SGK3: variants seen among roughly 807,000 people sequenced by gnomAD.
SGK3 encodes serum/glucocorticoid regulated kinase family member 3.
SGK3 carries 47 observed loss-of-function variants against 68.5 expected under a neutral mutation model. The ratio of observed to expected loss-of-function variants is 0.69; its 90% CI spans 0.54 to 0.87. SGK3 has a LOEUF of 0.87. Ranked by LOEUF, SGK3 falls within the 40% of genes least tolerant of loss-of-function variation. SGK3 has a pLI of 0.00. For missense variants in SGK3, 479 were observed against 575.5 expected (o/e 0.83, Z 1.72); for synonymous variants, 181 against 189.1 (o/e 0.96, Z 0.35).
At chr8:66,781,968 G>A (rs192106349) in intron 1 of SGK3, among the ~76,000 whole-genome samples, 3 of 152,302 alleles carry the variant, frequency 2.0e-5, no homozygotes, top group African/African-American at 7.2e-5. Context: ...AGGCTACTAT[G>A]TATCTTTCAT....
Position 66,798,492 on chromosome 8 carries a change from GT to G in SGK3, c.97-44del, listed in dbSNP as rs762459024. 7.2e-6 allele frequency: 11 copies of G among 1,519,150 alleles called. No individual in the cohort carries two copies. In the South Asian group the frequency reaches 1.3e-4, roughly 18 times the overall value. The allele number at this position is 1,519,150 out of a possible 1,614,324, so 94.1% of individuals were successfully genotyped here. A position where few individuals can be genotyped will look rare whatever the true frequency, so the allele number is the denominator to read the frequency against. On this transcript the variant is annotated intron_variant, in intron 2 of 16. Coordinates refer to ENST00000521198, the MANE Select transcript of SGK3 (RefSeq NM_001033578.3). ...TTTCATGTATTTAAGTAGCTAATGG[GT>G]TTTTTGCAATTAAATTGTGTTATAT...
chr8:66,766,968 C>A lies in SGK3; in HGVS notation c.-121-26648C>A, dbSNP rs141074141. On this transcript the variant is annotated intron_variant, in intron 1 of 16. Coordinates refer to ENST00000521198, the MANE Select transcript of SGK3 (RefSeq NM_001033578.3). Reference sequence around the variant, plus strand: ...CCGGGTTCAAGCAATTCTGCCTCACCCTCCTGAGCTGCTGGGATTACAAGC... The same window carrying A: ...CCGGGTTCAAGCAATTCTGCCTCACACTCCTGAGCTGCTGGGATTACAAGC... Among the ~76,000 whole-genome samples, 3 of 152,306 alleles carry A rather than the reference C, an allele frequency of 2.0e-5. No homozygotes were observed. In the East Asian group the frequency reaches 5.8e-4, roughly 29 times the overall value.
chr8:66,809,241 T>G (rs1286145167), intron 4 of SGK3, among the ~76,000 whole-genome samples: 1 of 152,170 alleles, frequency 6.6e-6, no homozygotes, highest in Non-Finnish European at 1.5e-5. Flanking sequence ...TAACAAGTAG[T>G]AACCAACACC....
intron 1 of SGK3, among the ~76,000 whole-genome samples, chr8:66,731,099 G>A (rs557163301): frequency 5.5e-4 from 84 of 152,116 alleles, no homozygotes; most frequent in Admixed American, 1.1e-3. Context: ...TTTGTTATCC[G>A]CTTTCTAATT....
chr8:66,796,130 TTTTTATTTA>T (rs1172560755), intron 2 of SGK3, among the ~76,000 whole-genome samples: 2 of 151,468 alleles, frequency 1.3e-5, no homozygotes, highest in Non-Finnish European at 2.9e-5. Flanking sequence ...ATCGATAATA[TTTTTATTTA>T]TTTTATTTAT....
At chr8:66,816,368 C>T (rs1290269754) in intron 5 of SGK3, among the ~76,000 whole-genome samples, 6 of 122,714 alleles carry the variant, frequency 4.9e-5, no homozygotes, top group African/African-American at 1.3e-4. Context: ...GTGTGTGAGA[C>T]GGAGTCTTGC....
Position 66,839,983 on chromosome 8 carries a change from C to T in SGK3, c.742-20C>T. The T allele has an allele frequency of 6.2e-7, 1 of 1,608,524 alleles. No individual in the cohort carries two copies. Among genetic ancestry groups the T allele is most frequent in the East Asian group, 2.2e-5 (1 of 44,794 alleles). ...ATCCTAACATTCTCTCTCCCCCCAC[C>T]CCCACAACCAATTTGACAGCTTTTT... On this transcript the variant is annotated intron_variant, in intron 10 of 16. Coordinates refer to ENST00000521198, the MANE Select transcript of SGK3 (RefSeq NM_001033578.3).
chr8:66,806,544 T>C (rs1808171913), intron 4 of SGK3, among the ~76,000 whole-genome samples: 1 of 152,016 alleles, frequency 6.6e-6, no homozygotes, highest in African/African-American at 2.4e-5. Context: ...GCAGATATGG[T>C]AGCTACGCCT....
At position 66,804,319 on chromosome 8, in the gene SGK3, C is replaced by T. The variant is rs964477546; in HGVS notation, c.181-56C>T. 5 of 1,466,046 alleles carry T rather than the reference C, an allele frequency of 3.4e-6. No individual in the cohort carries two copies. The Admixed American group carries it at 9.3e-5, about 27-fold the overall frequency. 90.8% of individuals were successfully genotyped at this position (1,466,046 alleles called of 1,614,324 possible). A position where few individuals can be genotyped will look rare whatever the true frequency, so the allele number is the denominator to read the frequency against. On this transcript the variant is annotated intron_variant, in intron 3 of 16. Transcript: ENST00000521198. ...AGATTGTATTTGGCTTTGATGTGTG[C>T]ATAACTAGAAGACTTATAAAATTAG...
At chr8:66,714,852 A>G (rs752609233) in intron 1 of SGK3, among the ~76,000 whole-genome samples, 12 of 152,210 alleles carry the variant, frequency 7.9e-5, no homozygotes, top group Non-Finnish European at 1.6e-4. Flanking sequence ...TGGATTGCAC[A>G]GCAGGTGAGA....
intron 1 of SGK3, among the ~76,000 whole-genome samples, chr8:66,754,903 A>C (rs1805927226): frequency 6.6e-6 from 1 of 152,240 alleles, no homozygotes. Context: ...TGAGAAAATA[A>C]TGTGTTTAGG....
At chr8:66,826,862 C>G (rs1458900605) in intron 6 of SGK3, among the ~76,000 whole-genome samples, 1 of 151,844 alleles carries the variant, frequency 6.6e-6, no homozygotes, top group East Asian at 1.9e-4. Context: ...CCAGGCTGAT[C>G]TCGAACTCCT....
intron 1 of SGK3, among the ~76,000 whole-genome samples, chr8:66,769,415 G>T (rs1806431137): frequency 6.6e-6 from 1 of 152,170 alleles, no homozygotes; most frequent in Admixed American, 6.5e-5. Context: ...GTAGAGACGG[G>T]ATTTTGCCAT....
At chr8:66,753,542 G>A (rs995875070) in intron 1 of SGK3, among the ~76,000 whole-genome samples, 1 of 152,096 alleles carries the variant, frequency 6.6e-6, no homozygotes, top group African/African-American at 2.4e-5. Context: ...AAAAGAATAT[G>A]GGCCAGGCAC....
At chr8:66,728,040 A>T (rs939649842) in intron 1 of SGK3, among the ~76,000 whole-genome samples, 2 of 152,168 alleles carry the variant, frequency 1.3e-5, no homozygotes, top group African/African-American at 4.8e-5. Context: ...TTAAACCACA[A>T]TTCAGTGGTT....
At chr8:66,791,441 T>G (rs1807448859) in intron 1 of SGK3, among the ~76,000 whole-genome samples, 1 of 152,148 alleles carries the variant, frequency 6.6e-6, no homozygotes, top group African/African-American at 2.4e-5. Context: ...TGAGTGTGCT[T>G]CTTGAGTGTA....
rs1158028286 is a variant in SGK3 at position 66,835,899 on chromosome 8, G to A, written c.610-44G>A. 6 of 1,610,642 alleles carry A rather than the reference G, an allele frequency of 3.7e-6. No homozygotes were observed. The Admixed American group carries it at 8.4e-5, about 23-fold the overall frequency. ...GCCCATTTTCTCAATTAAGAGAGCTGTTTTCTAGTGTATAATACAATTGAT... is the reference window on the plus strand; with the variant it reads ...GCCCATTTTCTCAATTAAGAGAGCTATTTTCTAGTGTATAATACAATTGAT... On this transcript the variant is annotated intron_variant, in intron 9 of 16. Transcript: ENST00000521198.
chr8:66,858,060 G>C (rs555788415), intron 16 of SGK3, among the ~76,000 whole-genome samples: 1 of 152,100 alleles, frequency 6.6e-6, no homozygotes, highest in South Asian at 2.1e-4. Flanking sequence ...AATTAAATAA[G>C]TGATAACAAA....
chr8:66,787,503 G>C (rs1405442414), intron 1 of SGK3, among the ~76,000 whole-genome samples: 1 of 152,096 alleles, frequency 6.6e-6, no homozygotes, highest in East Asian at 1.9e-4. Flanking sequence ...CCTTAGTGTT[G>C]GTCTTTTCTG....
Sources: gnomAD v4.1 joint callset for allele counts (sites outside exome capture counted in the v4.1 genomes callset) on GRCh38, gnomAD v4.1.1 for gene constraint, MANE v1.5 for transcripts, NCBI Gene and HGNC (gene_info 2026-07-23, HGNC 2026-07-21) for gene names.